The following USP6NL variants were observed in gnomAD, a reference collection of about 807,000 sequenced individuals.
USP6NL encodes the protein USP6 N-terminal like.
In USP6NL, 26 loss-of-function variants were observed where a neutral mutation model predicts 61.9. The ratio of observed to expected loss-of-function variants is 0.42; its 90% CI spans 0.31 to 0.58. The LOEUF is 0.58. Ranked by LOEUF, USP6NL falls within the 20% of genes least tolerant of loss-of-function variation. The pLI is 0.16. For missense variants in USP6NL, 1,114 were observed against 1,034.3 expected, an observed-to-expected ratio of 1.08 and a Z score of -1.06; for synonymous variants, 432 against 390.1, an observed-to-expected ratio of 1.11 and a Z score of -1.27.
Position 11,513,848 on chromosome 10 carries a change from C to T in USP6NL, c.196-4173G>A, listed in dbSNP as rs1407882968. On this transcript the variant is annotated intron_variant, in intron 5 of 14. Coordinates refer to ENST00000609104, the MANE Select transcript of USP6NL (RefSeq NM_014688.5). This position sits in a 1 kb window ranked among gnomAD's most constrained non-coding sequence, Gnocchi z 4.7. The stretch of plus-strand genomic sequence containing the variant: ...GCAACTCGGAATCCAATCATGCATT[C>T]GGCATTGCCTTTGCTGGCAGGTCCC... 1.3e-5 allele frequency among the ~76,000 whole-genome samples: 2 copies of T among 152,146 alleles called. No individual in the cohort carries two copies. The highest frequency in any genetic ancestry group is 6.5e-5 in the Admixed American group (1 of 15,268).
At chr10:11,554,862 C>T (rs1173432390) in intron 2 of USP6NL, among the ~76,000 whole-genome samples, 1 of 145,190 alleles carries the variant, frequency 6.9e-6, no homozygotes, top group Non-Finnish European at 1.5e-5. Context: ...TGCAGTGGTG[C>T]GATCTCCACT....
chr10:11,463,162 T>C lies in USP6NL; in HGVS notation c.1766A>G (p.His589Arg). The change falls in exon 15 of 15, where the codon CAC becomes CGC. Residue 589 changes from histidine (H) to arginine (R), a missense_variant. Coordinates refer to ENST00000609104, the MANE Select transcript of USP6NL (RefSeq NM_014688.5). This position sits in a 1 kb window ranked among gnomAD's most constrained non-coding sequence, Gnocchi z 6.3. ...TGATGGACTAGAACTTGGCTCAGCG[T>C]GCTTTCTCGGGCTAGGAGGGTAAAG... Reference protein sequence around the residue: ...HALYPPSPRKHAEPSSSPSKV... With the variant: ...HALYPPSPRKRAEPSSSPSKV... 3 of 1,613,920 alleles carry C rather than the reference T, an allele frequency of 1.9e-6. No individual in the cohort carries two copies. The highest frequency in any genetic ancestry group is 3.3e-5 in the Admixed American group (2 of 60,034).
At chr10:11,588,647 T>C (rs1052752095) in intron 2 of USP6NL, among the ~76,000 whole-genome samples, 3 of 152,324 alleles carry the variant, frequency 2.0e-5, no homozygotes, top group South Asian at 2.1e-4. Context: ...TTTGTAGATC[T>C]AGACATTGTT....
At chr10:11,507,585 A>G (rs1550652) in intron 6 of USP6NL, among the ~76,000 whole-genome samples, 8,461 of 152,266 alleles carry the variant, frequency 0.056, 356 homozygotes, top group East Asian at 0.15. Flanking sequence ...AAAGATTCCC[A>G]TGGTTAAGTC....
chr10:11,545,035 C>T (rs982332748), intron 2 of USP6NL, among the ~76,000 whole-genome samples: 1 of 152,156 alleles, frequency 6.6e-6, no homozygotes, highest in Admixed American at 6.5e-5. Context: ...TCTAGGTGAA[C>T]AGAAAGGACA....
At chr10:11,569,683 AAGC>A (rs904707874) in intron 2 of USP6NL, among the ~76,000 whole-genome samples, 2 of 152,216 alleles carry the variant, frequency 1.3e-5, no homozygotes, top group African/African-American at 4.8e-5. Flanking sequence ...CACATTTGGG[AAGC>A]AGCAAGTATT....
rs1838016722 is a variant in USP6NL at position 11,587,512 on chromosome 10, T to C, written c.4+10119A>G. Among the ~76,000 whole-genome samples the C allele has an allele frequency of 6.6e-6, 1 of 152,166 alleles. No homozygotes were observed. Among genetic ancestry groups the C allele is most frequent in the Non-Finnish European group, 1.5e-5 (1 of 68,016 alleles). ...ATAAATCTCTACAGCCTAATCAGAA[T>C]CAGAGTCTTAAAATGTCCATTTATT... On this transcript the variant is annotated intron_variant, in intron 2 of 14. Transcript: ENST00000609104. The surrounding 1 kb of genome is among the most constrained non-coding windows in gnomAD (Gnocchi z 4.5).
At chr10:11,544,623 G>C (rs997169798) in intron 2 of USP6NL, among the ~76,000 whole-genome samples, 1 of 152,084 alleles carries the variant, frequency 6.6e-6, no homozygotes, top group African/African-American at 2.4e-5. Context: ...GAGTAGCTGG[G>C]ATTACAGGTG....
In USP6NL at chr10:11,487,782, C is replaced by G. The variant is rs755628518; in HGVS notation, c.664+1320G>C. Among the ~76,000 whole-genome samples the G allele has an allele frequency of 9.9e-5, 15 of 152,160 alleles. No individual in the cohort carries two copies. The highest frequency in any genetic ancestry group is 1.8e-4 in the Non-Finnish European group (12 of 68,028). On this transcript the variant is annotated intron_variant, in intron 10 of 14. Transcript: ENST00000609104. The surrounding 1 kb of genome is among the most constrained non-coding windows in gnomAD (Gnocchi z 4.2). ...GGCAAGAAACACTAAGGGAGAAAGACAAATGCAAACACATACATACCCCCC... is the reference window on the plus strand; with the variant it reads ...GGCAAGAAACACTAAGGGAGAAAGAGAAATGCAAACACATACATACCCCCC...
In USP6NL at chr10:11,501,085, A is replaced by G; in HGVS notation, c.384+16T>C. 1 of 1,541,166 alleles carries G rather than the reference A, an allele frequency of 6.5e-7. No individual in the cohort carries two copies. On this transcript the variant is annotated intron_variant, in intron 7 of 14. Transcript: ENST00000609104. ...CTTTTTAATTTCAAAATAACAAGTT[A>G]GCTTTAGCTACTCACACTATACAGG...
intron 2 of USP6NL, among the ~76,000 whole-genome samples, chr10:11,530,101 CAAAAAA>C (rs900768943): frequency 0.014 from 1,042 of 72,008 alleles, 9 homozygotes; most frequent in Admixed American, 0.024. Flanking sequence ...GACCCTGTCT[CAAAAAA>C]AAAAAAAAAA....
intron 2 of USP6NL, among the ~76,000 whole-genome samples, chr10:11,584,970 T>C (rs538783133): frequency 6.6e-6 from 1 of 152,024 alleles, no homozygotes; most frequent in South Asian, 2.1e-4. Context: ...AAAAACCATA[T>C]GAAACTCCAA....
In USP6NL at chr10:11,575,174, T is replaced by G. The variant is rs1730119792; in HGVS notation, c.4+22457A>C. Among the ~76,000 whole-genome samples the G allele has an allele frequency of 6.6e-6, 1 of 152,230 alleles. No homozygotes were observed. On this transcript the variant is annotated intron_variant, in intron 2 of 14. Coordinates refer to ENST00000609104, the MANE Select transcript of USP6NL (RefSeq NM_014688.5). This position sits in a 1 kb window ranked among gnomAD's most constrained non-coding sequence, Gnocchi z 4.2. ...TTCAGATGGGTCAAAGACTAAGTTTTAAACCTCAAGTCAAAACTGTGATCT... is the reference window on the plus strand; with the variant it reads ...TTCAGATGGGTCAAAGACTAAGTTTGAAACCTCAAGTCAAAACTGTGATCT...
At chr10:11,543,729 G>A (rs1218466997) in intron 2 of USP6NL, among the ~76,000 whole-genome samples, 1 of 148,946 alleles carries the variant, frequency 6.7e-6, no homozygotes, top group Non-Finnish European at 1.5e-5. Flanking sequence ...ACTGATCCAT[G>A]AGAAAAAGGG....
rs115877622 is a variant in USP6NL at position 11,495,414 on chromosome 10, G to A, written c.385-2186C>T. Among the ~76,000 whole-genome samples the A allele has an allele frequency of 6.6e-6, 1 of 152,076 alleles. No homozygotes were observed. The highest frequency in any genetic ancestry group is 6.6e-5 in the Admixed American group (1 of 15,266). On this transcript the variant is annotated intron_variant, in intron 7 of 14. Coordinates refer to ENST00000609104, the MANE Select transcript of USP6NL (RefSeq NM_014688.5). The surrounding 1 kb of genome is among the most constrained non-coding windows in gnomAD (Gnocchi z 4.6). Reference sequence around the variant, plus strand: ...TCCTCGGTCTCTTGCCTCAGCACCTGGATGGCTTGCCGCCCACACCCTCCC... The same window carrying A: ...TCCTCGGTCTCTTGCCTCAGCACCTAGATGGCTTGCCGCCCACACCCTCCC...
intron 2 of USP6NL, among the ~76,000 whole-genome samples, chr10:11,579,412 T>C (rs1158046593): frequency 6.6e-6 from 1 of 152,224 alleles, no homozygotes; most frequent in Non-Finnish European, 1.5e-5. Context: ...AGTCCCCATC[T>C]ATCACTGCAG....
At chr10:11,542,356 C>T (rs1836099382) in intron 2 of USP6NL, among the ~76,000 whole-genome samples, 1 of 151,922 alleles carries the variant, frequency 6.6e-6, no homozygotes, top group Non-Finnish European at 1.5e-5. Context: ...TACAAAAAAG[C>T]TGATAGAAAA....
At chr10:11,564,891 T>C (rs978649765) in intron 2 of USP6NL, 1 of 152,238 alleles carries the variant, frequency 6.6e-6, no homozygotes, top group African/African-American at 2.4e-5. Context: ...ACAAAGTAAC[T>C]TGCACAACAT....
intron 1 of USP6NL, among the ~76,000 whole-genome samples, chr10:11,603,326 C>T (rs1297529095): frequency 6.6e-6 from 1 of 152,220 alleles, no homozygotes; most frequent in Non-Finnish European, 1.5e-5. Context: ...GTCTTCCCTA[C>T]TTCTATCAGT....
Sources: allele counts gnomAD v4.1 joint callset (sites outside exome capture counted in the v4.1 genomes callset), GRCh38; gene constraint gnomAD v4.1.1; non-coding constraint Gnocchi (gnomAD v3.1); transcripts MANE v1.5; gene names NCBI Gene and HGNC (gene_info 2026-07-23, HGNC 2026-07-21).